TTC28: variants seen among roughly 807,000 people sequenced by gnomAD.
The protein encoded by TTC28 is tetratricopeptide repeat domain 28.
In TTC28, 61 loss-of-function variants were observed where a neutral mutation model predicts 198.0. That is an observed-to-expected ratio of 0.31 (90% CI 0.25 to 0.38). TTC28 has a LOEUF of 0.38. Ranked by LOEUF, TTC28 falls within the 10% of genes least tolerant of loss-of-function variation. The pLI is 1.00. For synonymous variants in TTC28, 1,171 were observed against 1,297.8 expected (o/e 0.90, Z 2.10); for missense variants, 2,678 against 3,164.0 (o/e 0.85, Z 3.69).
chr22:28,557,193 A>G (rs1350438810), intron 2 of TTC28, among the ~76,000 whole-genome samples: 1 of 152,200 alleles, frequency 6.6e-6, no homozygotes, highest in Non-Finnish European at 1.5e-5. Context: ...TTCTATATCT[A>G]TAAATTCAAG....
intron 2 of TTC28, among the ~76,000 whole-genome samples, chr22:28,399,464 G>A (rs1246547295): frequency 6.6e-6 from 1 of 151,754 alleles, no homozygotes; most frequent in Non-Finnish European, 1.5e-5. Flanking sequence ...GGGACTACAG[G>A]CATGCACCAC....
intron 2 of TTC28, among the ~76,000 whole-genome samples, chr22:28,438,984 G>A (rs1374131973): frequency 1.3e-5 from 2 of 151,992 alleles, no homozygotes; most frequent in African/African-American, 4.8e-5. Flanking sequence ...AGAAATGAGT[G>A]ACAAAATATT....
intron 2 of TTC28, among the ~76,000 whole-genome samples, chr22:28,417,711 C>A (rs2047189159): frequency 6.6e-6 from 1 of 152,184 alleles, no homozygotes; most frequent in Non-Finnish European, 1.5e-5. Flanking sequence ...AGCAGTCAAG[C>A]TTCCTGACAG....
At chr22:28,058,400 TTAACAATGTTGAG>T (rs1467171107) in intron 12 of TTC28, among the ~76,000 whole-genome samples, 1 of 152,152 alleles carries the variant, frequency 6.6e-6, no homozygotes, top group Non-Finnish European at 1.5e-5. Context: ...AGCTGACATC[TTAACAATGTTGAG>T]TCTTCCAATA....
intron 19 of TTC28, 53 bp downstream of exon 19, chr22:27,992,534 T>C: frequency 3.3e-6 from 5 of 1,536,684 alleles, no homozygotes; most frequent in Non-Finnish European, 4.4e-6. Context: ...GCTCTGCCTT[T>C]CCAAATCAGC....
chr22:28,323,571 G>A (rs2045480471), intron 2 of TTC28, among the ~76,000 whole-genome samples: 2 of 152,118 alleles, frequency 1.3e-5, no homozygotes, highest in Admixed American at 1.3e-4. Flanking sequence ...AACATAGAGA[G>A]ACAAAAGAAC....
chr22:28,672,428 AG>A (rs1167851701), intron 1 of TTC28, among the ~76,000 whole-genome samples: 2 of 152,056 alleles, frequency 1.3e-5, no homozygotes, highest in Non-Finnish European at 2.9e-5. Flanking sequence ...GGCCTCCCAA[AG>A]TGCTGGGATT....
At chr22:28,258,859 T>G (rs867357111) in intron 5 of TTC28, among the ~76,000 whole-genome samples, 1 of 152,074 alleles carries the variant, frequency 6.6e-6, no homozygotes, top group Non-Finnish European at 1.5e-5. Context: ...AGGTGTAGAC[T>G]GATATATCCA....
At chr22:28,164,181 A>G (rs1921596835) in intron 5 of TTC28, among the ~76,000 whole-genome samples, 1 of 152,218 alleles carries the variant, frequency 6.6e-6, no homozygotes, top group Admixed American at 6.5e-5. Flanking sequence ...CACAGTTCAA[A>G]GAGGCCTGCC....
intron 2 of TTC28, among the ~76,000 whole-genome samples, chr22:28,307,359 AAATTTTAG>A (rs2045166935): frequency 6.6e-6 from 1 of 152,172 alleles, no homozygotes; most frequent in East Asian, 1.9e-4. Context: ...TTAAATATTT[AAATTTTAG>A]AATTTTAGAA....
At chr22:28,294,830 G>A (rs1471947979) in intron 5 of TTC28, among the ~76,000 whole-genome samples, 2 of 152,120 alleles carry the variant, frequency 1.3e-5, no homozygotes, top group African/African-American at 4.8e-5. Context: ...GCCTCCCAAA[G>A]TGCTGGGATT....
At chr22:28,437,126 A>G (rs758854837) in intron 2 of TTC28, among the ~76,000 whole-genome samples, 10 of 152,006 alleles carry the variant, frequency 6.6e-5, no homozygotes, top group Non-Finnish European at 1.5e-4. Flanking sequence ...TCTGTCACCT[A>G]GGCTGGAGTG....
At chr22:28,409,550 TTA>T (rs2047049690) in intron 2 of TTC28, among the ~76,000 whole-genome samples, 1 of 150,242 alleles carries the variant, frequency 6.7e-6, no homozygotes, top group African/African-American at 2.4e-5. Flanking sequence ...TATACATATG[TTA>T]TATGTGTTTA....
intron 2 of TTC28, among the ~76,000 whole-genome samples, chr22:28,454,706 TA>T (rs2047832543): frequency 6.6e-6 from 1 of 152,246 alleles, no homozygotes; most frequent in Non-Finnish European, 1.5e-5. Context: ...GATGGGTAGA[TA>T]AAATGATCTT....
At chr22:28,279,828 C>T (rs930267070) in intron 5 of TTC28, among the ~76,000 whole-genome samples, 1 of 152,204 alleles carries the variant, frequency 6.6e-6, no homozygotes, top group African/African-American at 2.4e-5. Flanking sequence ...TGACTGTTTT[C>T]GCTACGGATT....
At chr22:28,145,326 T>C (rs369851571) in intron 6 of TTC28, among the ~76,000 whole-genome samples, 17 of 152,180 alleles carry the variant, frequency 1.1e-4, no homozygotes, top group Admixed American at 8.5e-4. Context: ...TTCAGGGTCA[T>C]GCAAAAGGTA....
chr22:28,187,342 C>T (rs1403196407), intron 5 of TTC28, among the ~76,000 whole-genome samples: 1 of 152,138 alleles, frequency 6.6e-6, no homozygotes, highest in African/African-American at 2.4e-5. Flanking sequence ...ATTTGAATTT[C>T]ATTTAAAAAA....
At chr22:28,427,461 C>CCTAAA (rs1194053256) in intron 2 of TTC28, among the ~76,000 whole-genome samples, 1 of 152,216 alleles carries the variant, frequency 6.6e-6, no homozygotes, top group East Asian at 1.9e-4. Context: ...CACCAACCTG[C>CCTAAA]CTAACATGGC....
At chr22:28,332,639 C>G (rs1157913609) in intron 2 of TTC28, among the ~76,000 whole-genome samples, 2 of 152,094 alleles carry the variant, frequency 1.3e-5, no homozygotes, top group Non-Finnish European at 2.9e-5. Context: ...TCTTCATTCA[C>G]TTCAGTACAA....
Sources: allele counts gnomAD v4.1 joint callset (sites outside exome capture counted in the v4.1 genomes callset), GRCh38; gene constraint gnomAD v4.1.1; transcripts MANE v1.5; gene names NCBI Gene and HGNC (gene_info 2026-07-23, HGNC 2026-07-21).